The following GARNL3 variants were observed in gnomAD, a reference collection of about 807,000 sequenced individuals.
GARNL3 encodes GTPase-activating Rap/Ran-GAP domain-like protein 3.
Under a neutral mutation model 125.0 loss-of-function variants are expected in GARNL3, and 63 were observed. The ratio of observed to expected loss-of-function variants is 0.50; its 90% CI spans 0.41 to 0.62. The LOEUF is 0.62. Among genes scored for constraint, GARNL3 ranks in the 20% least tolerant of loss-of-function variants. The pLI is 0.00. For missense variants in GARNL3, 994 were observed against 1,244.0 expected, an observed-to-expected ratio of 0.80 and a Z score of 3.02; for synonymous variants, 439 against 457.5, an observed-to-expected ratio of 0.96 and a Z score of 0.52.
chr9:127,279,498 C>G (rs568102799), intron 1 of GARNL3, among the ~76,000 whole-genome samples: 1 of 152,158 alleles, frequency 6.6e-6, no homozygotes, highest in Admixed American at 6.5e-5. Flanking sequence ...TGTTTTAGTT[C>G]CCTAAAATTA....
chr9:127,325,243 T>C, intron 7 of GARNL3, 148 bp downstream of exon 7: 2 of 702,800 alleles, frequency 2.8e-6, no homozygotes, highest in Non-Finnish European at 4.8e-6. Flanking sequence ...AAGAACTTAC[T>C]GGCATGTATT....
intron 7 of GARNL3, among the ~76,000 whole-genome samples, chr9:127,329,587 C>A (rs571876945): frequency 6.6e-6 from 1 of 151,054 alleles, no homozygotes; most frequent in Admixed American, 6.6e-5. Flanking sequence ...TAGCATGGTG[C>A]CAGTCTCAGA....
At chr9:127,371,632 A>T (rs1015117947) in intron 22 of GARNL3, among the ~76,000 whole-genome samples, 3 of 152,230 alleles carry the variant, frequency 2.0e-5, no homozygotes, top group African/African-American at 7.2e-5. Flanking sequence ...TTACAGAAAA[A>T]GTGTCATAAG....
At chr9:127,383,382 A>G in intron 22 of GARNL3, 56 bp from the exon 23 acceptor site, 1 of 1,053,682 alleles carries the variant, frequency 9.5e-7, no homozygotes, top group Non-Finnish European at 1.4e-6. Context: ...TTCTTTAATT[A>G]CAGTCATCTA....
At chr9:127,371,351 C>T (rs1429333878) in intron 22 of GARNL3, among the ~76,000 whole-genome samples, 1 of 152,144 alleles carries the variant, frequency 6.6e-6, no homozygotes, top group Non-Finnish European at 1.5e-5. Context: ...CCCAAGCCAG[C>T]CTCTGCCTTC....
chr9:127,352,579 G>A (rs1028162047), intron 17 of GARNL3, among the ~76,000 whole-genome samples: 2 of 152,162 alleles, frequency 1.3e-5, no homozygotes, highest in African/African-American at 4.8e-5. Context: ...AGTGGTTGAT[G>A]AGCTATCATA....
At position 127,325,089 on chromosome 9, in the gene GARNL3, A is replaced by G. The variant is rs758311805; in HGVS notation, c.588A>G (p.Glu196=). 6.2e-7 allele frequency: 1 copy of G among 1,613,484 alleles called. No homozygotes were observed. Among genetic ancestry groups the G allele is most frequent in the South Asian group, 1.1e-5 (1 of 91,050 alleles). The part of the protein sequence containing the change: ...EIQKDLLVLE[E]QEGSVNFKFG... ...GACAGGACTTGCTGGTTCTTGAAGA[A>G]CAAGAGGTGAGTAATTCTATGGAGA... Residue 196 remains glutamate (E), a synonymous_variant, in exon 7 of 28, where the codon GAA becomes GAG. Transcript: ENST00000373387.
At chr9:127,322,047 A>G (rs2065420774) in intron 6 of GARNL3, among the ~76,000 whole-genome samples, 1 of 152,224 alleles carries the variant, frequency 6.6e-6, no homozygotes, top group African/African-American at 2.4e-5. Flanking sequence ...ATCCAGCCTC[A>G]ACCCCAGACG....
At chr9:127,228,909 C>T (rs1226714727) in intron 1 of GARNL3, among the ~76,000 whole-genome samples, 3 of 152,020 alleles carry the variant, frequency 2.0e-5, no homozygotes, top group African/African-American at 4.8e-5. Context: ...CTGCAACCTC[C>T]GCCTCCTGGG....
chr9:127,258,799 G>A (rs2131237981), upstream of GARNL3, among the ~76,000 whole-genome samples: 1 of 152,286 alleles, frequency 6.6e-6, no homozygotes, highest in East Asian at 1.9e-4. Context: ...TAAAACTACA[G>A]TCTGGCACAT....
rs563229212 is a variant in GARNL3 at position 127,228,775 on chromosome 9, G to T, written c.-29+4437G>T. 9.1e-4 allele frequency among the ~76,000 whole-genome samples: 139 copies of T among 152,152 alleles called. 2 individuals carry two copies. Among genetic ancestry groups the T allele is most frequent in the African/African-American group, 3.3e-3 (135 of 41,516 alleles). The stretch of plus-strand genomic sequence containing the variant: ...GATAAAGCTTTTTTAAATTGTGGTT[G>T]TTGTTTTAAAATTTAGTCAGATCTT... On this transcript the variant is annotated intron_variant, in intron 1 of 10. Coordinates refer to the GARNL3 transcript ENST00000439286.
At chr9:127,299,077 GAGGC>G (rs1490194244) in intron 2 of GARNL3, among the ~76,000 whole-genome samples, 1 of 152,124 alleles carries the variant, frequency 6.6e-6, no homozygotes, top group Non-Finnish European at 1.5e-5. Flanking sequence ...AGCACTTTAG[GAGGC>G]TGAGGCGGGT....
intron 14 of GARNL3, among the ~76,000 whole-genome samples, chr9:127,343,731 G>T (rs1829989915): frequency 6.6e-6 from 1 of 152,202 alleles, no homozygotes. Flanking sequence ...TACCTTACAT[G>T]CATTGCCTCA....
At position 127,288,882 on chromosome 9, in the gene GARNL3, A is replaced by T. The variant is rs182390277; in HGVS notation, c.145-2286A>T. ...GTTATAGTCAGGACTGTCTCTAGCA[A>T]CCTCTATTTTAAGGGTAACAAGTAA... On this transcript the variant is annotated intron_variant, in intron 1 of 27. Coordinates refer to ENST00000373387, the MANE Select transcript of GARNL3 (RefSeq NM_032293.5). Among the ~76,000 whole-genome samples the T allele has an allele frequency of 1.2e-4, 19 of 152,282 alleles. No homozygotes were observed. The East Asian group carries it at 2.7e-3, about 22-fold the overall frequency.
At chr9:127,278,144 A>G (rs2064005723) in intron 1 of GARNL3, among the ~76,000 whole-genome samples, 2 of 152,232 alleles carry the variant, frequency 1.3e-5, no homozygotes, top group African/African-American at 4.8e-5. Flanking sequence ...AAAGGAATAC[A>G]TAGTCATTAT....
intron 1 of GARNL3, among the ~76,000 whole-genome samples, chr9:127,232,788 A>T (rs2063041941): frequency 6.6e-6 from 1 of 152,230 alleles, no homozygotes; most frequent in South Asian, 2.1e-4. Context: ...GAATAATGAC[A>T]TTAGTAGTCT....
intron 2 of GARNL3, among the ~76,000 whole-genome samples, chr9:127,254,777 A>C (rs2063467890): frequency 6.6e-6 from 1 of 152,062 alleles, no homozygotes. Context: ...TCAAAAAAAA[A>C]AAAAAACTAC....
chr9:127,233,739 G>A (rs1476266242), intron 1 of GARNL3, among the ~76,000 whole-genome samples: 2 of 152,138 alleles, frequency 1.3e-5, no homozygotes, highest in Non-Finnish European at 1.5e-5. Flanking sequence ...TAGAACCCAC[G>A]CCTTGTGAGA....
At chr9:127,355,537 C>T (rs1294979811) in intron 20 of GARNL3, 65 bp downstream of exon 20, 6 of 1,487,812 alleles carry the variant, frequency 4.0e-6, no homozygotes, top group Non-Finnish European at 5.6e-6. Flanking sequence ...TCTGTCCTTC[C>T]ACCCAGAGTT....
Sources: allele counts gnomAD v4.1 joint callset (sites outside exome capture counted in the v4.1 genomes callset), GRCh38; gene constraint gnomAD v4.1.1; transcripts MANE v1.5; gene names NCBI Gene and HGNC (gene_info 2026-07-23, HGNC 2026-07-21).